Variants in ASIP observed in about 807,000 individuals in gnomAD.
ASIP encodes the protein agouti signaling protein.
A neutral mutation model predicts 10.3 loss-of-function variants in ASIP; 11 were observed. The observed-to-expected ratio is 1.07, with a 90% CI of 0.68 to 1.78. The LOEUF (loss-of-function observed/expected upper bound fraction) is 1.78, where lower values mean the gene tolerates loss of function less well. Ranked by LOEUF, ASIP falls within the 40% of genes most tolerant of loss-of-function variation. The pLI, the probability that ASIP is intolerant of heterozygous loss-of-function variation, is 0.00. For synonymous variants in ASIP, 70 were observed against 70.8 expected (o/e 0.99, Z 0.06); for missense variants, 180 against 169.2 (o/e 1.06, Z -0.35).
chr20:34,262,857 C>A lies in ASIP; in HGVS notation c.186C>A (p.Ile62=), dbSNP rs149537165. 3.1e-6 allele frequency: 5 copies of A among 1,613,880 alleles called. No individual in the cohort carries two copies. Among genetic ancestry groups the A allele is most frequent in the South Asian group, 2.2e-5 (2 of 91,056 alleles). The part of the protein sequence containing the change: ...IVALNKKSKQ[I]GRKAAEKKRS... Reference sequence around the variant, plus strand: ...CGCTGAACAAGAAATCCAAACAGATCGGCAGAAAAGCAGCAGAAAAGAAAA... The same window carrying A: ...CGCTGAACAAGAAATCCAAACAGATAGGCAGAAAAGCAGCAGAAAAGAAAA... The change falls in exon 3 of 4, where the codon ATC becomes ATA. Residue 62 remains isoleucine (I), a synonymous_variant. Transcript: ENST00000374954.
At chr20:34,266,064 G>A (rs1287699120) in intron 3 of ASIP, among the ~76,000 whole-genome samples, 1 of 151,950 alleles carries the variant, frequency 6.6e-6, no homozygotes, top group Non-Finnish European at 1.5e-5. Flanking sequence ...TGTGTTAAAA[G>A]GCATAATGGC....
chr20:34,188,282 C>T, the ASIP span, among the ~76,000 whole-genome samples: 1 of 152,228 alleles, frequency 6.6e-6, no homozygotes, highest in Non-Finnish European at 1.5e-5. Context: ...AACTCATTAG[C>T]CTGCTTTCAG....
chr20:34,227,653 T>A (rs1005036366), intron 1 of ASIP, among the ~76,000 whole-genome samples: 2 of 150,396 alleles, frequency 1.3e-5, no homozygotes, highest in African/African-American at 5.0e-5. Flanking sequence ...AAAAGAGATA[T>A]ACCATATTCG....
chr20:34,195,814 T>A (rs1047490410), intron 1 of ASIP, among the ~76,000 whole-genome samples: 5 of 152,196 alleles, frequency 3.3e-5, no homozygotes, highest in African/African-American at 1.2e-4. Flanking sequence ...TGTTTGTTTT[T>A]TTTGCTGGAG....
At chr20:34,190,303 G>C (rs2034817181), upstream of ASIP, among the ~76,000 whole-genome samples, 1 of 152,154 alleles carries the variant, frequency 6.6e-6, no homozygotes, top group South Asian at 2.1e-4. Flanking sequence ...TTAAGATAAT[G>C]AGTATGAAAG....
intron 3 of ASIP, 25 bp downstream of exon 3, chr20:34,262,918 T>C (rs1320405719): frequency 6.2e-7 from 1 of 1,612,808 alleles, no homozygotes; most frequent in Non-Finnish European, 8.5e-7. Flanking sequence ...GTTCTGGGAG[T>C]TCTCATTGTT....
intron 3 of ASIP, among the ~76,000 whole-genome samples, chr20:34,268,187 A>C (rs1374475256): frequency 6.6e-6 from 1 of 152,200 alleles, no homozygotes; most frequent in African/African-American, 2.4e-5. Flanking sequence ...GCCACAGATG[A>C]CCAGTGGCTA....
chr20:34,246,266 T>G, intron 1 of ASIP: 1 of 1,551,216 alleles, frequency 6.4e-7, no homozygotes, highest in Non-Finnish European at 8.7e-7. Flanking sequence ...CTGTTTTTTC[T>G]TCTCCTCTTC....
At chr20:34,190,377 AC>A (rs1233617987), upstream of ASIP, among the ~76,000 whole-genome samples, 2 of 152,200 alleles carry the variant, frequency 1.3e-5, no homozygotes, top group African/African-American at 2.4e-5. Context: ...AGATGATATC[AC>A]CAAACCTTTC....
chr20:34,203,308 A>AG (rs1292282719), intron 1 of ASIP, among the ~76,000 whole-genome samples: 1 of 152,022 alleles, frequency 6.6e-6, no homozygotes, highest in East Asian at 1.9e-4. Flanking sequence ...GATGTTTTAT[A>AG]GTTTTCTATG....
chr20:34,203,985 A>G (rs2034918036), intron 1 of ASIP, among the ~76,000 whole-genome samples: 1 of 152,180 alleles, frequency 6.6e-6, no homozygotes, highest in South Asian at 2.1e-4. Flanking sequence ...CTTGGCCTCA[A>G]AGTTCTGGGA....
At chr20:34,204,294 C>T (rs951898943) in intron 1 of ASIP, among the ~76,000 whole-genome samples, 91 of 150,490 alleles carry the variant, frequency 6.0e-4, no homozygotes, top group African/African-American at 2.1e-3. Flanking sequence ...AATCTTGGCT[C>T]GCCGCAACCT....
chr20:34,263,003 A>G lies in ASIP; in HGVS notation c.222+110A>G, dbSNP rs77106176. On this transcript the variant is annotated intron_variant, in intron 3 of 3. Coordinates refer to ENST00000374954, the MANE Select transcript of ASIP (RefSeq NM_001672.3). ...ACTAAATGAAAGATTTTTCAGGCCT[A>G]TATTAACAAAAGAAACTGAAAGCTA... The G allele has an allele frequency of 2.3e-3, 2,966 of 1,266,544 alleles. 60 individuals are homozygous for G. In the African/African-American group the frequency reaches 0.04, roughly 17 times the overall value. The allele number at this position is 1,266,544 out of a possible 1,614,324, so 78.5% of individuals were successfully genotyped here. A position where few individuals can be genotyped will look rare whatever the true frequency, so the allele number is the denominator to read the frequency against.
chr20:34,201,060 C>CTTTCTTTCTTTT (rs1568744601), intron 1 of ASIP, among the ~76,000 whole-genome samples: 1 of 94,036 alleles, frequency 1.1e-5, no homozygotes, highest in African/African-American at 3.7e-5. Flanking sequence ...TTCTTTCTTT[C>CTTTCTTTCTTTT]TTTTTTTTCC....
rs553520846 is a variant in ASIP, at chr20:34,245,882, A to G, written c.-11+4393A>G. ...ACAGTAAATATATATATATGTATAT[A>G]TAAAGGCCTCTCTCCCTTTGGCCAT... is the stretch of plus-strand genomic sequence containing the variant. On this transcript the variant is annotated intron_variant, in intron 1 of 3. Coordinates refer to ENST00000374954, the MANE Select transcript of ASIP (RefSeq NM_001672.3). The G allele has an allele frequency of 2.1e-5, 26 of 1,216,520 alleles. No homozygotes were observed. In the Admixed American group the frequency reaches 3.4e-4, roughly 16 times the overall value. The allele number at this position is 1,216,520 out of a possible 1,614,324, so 75.4% of individuals were successfully genotyped here.
upstream of ASIP, among the ~76,000 whole-genome samples, chr20:34,190,585 G>A (rs1330574448): frequency 6.6e-6 from 1 of 152,134 alleles, no homozygotes; most frequent in Admixed American, 6.5e-5. Flanking sequence ...ATATTTCAGT[G>A]TATTCCACAG....
At chr20:34,236,214 C>G (rs2035208130) in intron 1 of ASIP, among the ~76,000 whole-genome samples, 1 of 151,810 alleles carries the variant, frequency 6.6e-6, no homozygotes, top group African/African-American at 2.4e-5. Flanking sequence ...ATTGAATTTA[C>G]TGCTAGCTCT....
chr20:34,191,003 C>G (rs1371787799), upstream of ASIP, among the ~76,000 whole-genome samples: 1 of 152,206 alleles, frequency 6.6e-6, no homozygotes, highest in East Asian at 1.9e-4. Flanking sequence ...CATGCACCCC[C>G]ATATGCACAT....
chr20:34,254,905 ACCAAT>A (rs1370695856), intron 1 of ASIP, among the ~76,000 whole-genome samples: 2 of 152,160 alleles, frequency 1.3e-5, no homozygotes, highest in Non-Finnish European at 2.9e-5. Flanking sequence ...CTGAGACTTT[ACCAAT>A]CCAAGACTCA....
Sources: gnomAD v4.1 joint callset for allele counts (sites outside exome capture counted in the v4.1 genomes callset) on GRCh38, gnomAD v4.1.1 for gene constraint, MANE v1.5 for transcripts, NCBI Gene and HGNC (gene_info 2026-07-23, HGNC 2026-07-21) for gene names.